ZNF804A: variants seen among roughly 807,000 people sequenced by gnomAD.
The protein encoded by ZNF804A is zinc finger protein 804A.
A neutral mutation model predicts 16.5 loss-of-function variants in ZNF804A; 2 were observed. The observed-to-expected ratio is 0.12, with a 90% CI of 0.05 to 0.38. The LOEUF (loss-of-function observed/expected upper bound fraction) is 0.38, where lower values mean the gene tolerates loss of function less well. Ranked by LOEUF, ZNF804A falls within the 10% of genes least tolerant of loss-of-function variation. The probability of loss-of-function intolerance (pLI) is 0.99; values close to 1 mark genes in which losing one functional copy is unlikely to be tolerated. For synonymous variants in ZNF804A, 534 were observed against 489.6 expected, an observed-to-expected ratio of 1.09 and a Z score of -1.20; for missense variants, 1,473 against 1,390.7, an observed-to-expected ratio of 1.06 and a Z score of -0.94.
chr2:184,808,566 C>T (rs1320654693), intron 1 of ZNF804A, among the ~76,000 whole-genome samples: 2 of 151,202 alleles, frequency 1.3e-5, no homozygotes, highest in African/African-American at 4.8e-5. Flanking sequence ...AGTTTTAAAG[C>T]ATATATCATT....
chr2:184,690,577 A>G (rs1300040128), intron 1 of ZNF804A, among the ~76,000 whole-genome samples: 2 of 152,054 alleles, frequency 1.3e-5, no homozygotes, highest in Non-Finnish European at 2.9e-5. Context: ...AGGTAACTTT[A>G]CAAAATATTA....
chr2:184,908,017 G>A (rs1295335872), intron 2 of ZNF804A, among the ~76,000 whole-genome samples: 1 of 152,024 alleles, frequency 6.6e-6, no homozygotes, highest in Non-Finnish European at 1.5e-5. Flanking sequence ...GTTGTGATAT[G>A]TTTTTGCTAG....
In ZNF804A at chr2:184,937,378, A is replaced by G; in HGVS notation, c.1982A>G (p.Lys661Arg). The G allele has an allele frequency of 6.2e-7, 1 of 1,613,698 alleles. No homozygotes were observed. Among genetic ancestry groups the G allele is most frequent in the South Asian group, 1.1e-5 (1 of 91,058 alleles). The change falls in exon 4 of 4, where the codon AAA becomes AGA. Residue 661 changes from lysine (K) to arginine (R), a missense_variant. By Grantham distance (26) the Lys-to-Arg change is conservative. Transcript: ENST00000302277. ...CATCAGTTACTTGATAAAAGGCCCA[A>G]ATCAGAATCCATATCCTTAAGTGAC... ...DSHQLLDKRP[K>R]SESISLSDNE...
chr2:184,679,594 C>G (rs547862120), intron 1 of ZNF804A, among the ~76,000 whole-genome samples: 25 of 152,296 alleles, frequency 1.6e-4, no homozygotes, highest in African/African-American at 5.1e-4. Context: ...GTCCTCTCCC[C>G]ACTCCTTAGG....
At chr2:184,849,348 A>C (rs1312565476) in intron 1 of ZNF804A, among the ~76,000 whole-genome samples, 1 of 152,192 alleles carries the variant, frequency 6.6e-6, no homozygotes, top group African/African-American at 2.4e-5. Flanking sequence ...GAAAGGTGAC[A>C]AAAGCAAACT....
intron 1 of ZNF804A, among the ~76,000 whole-genome samples, chr2:184,645,193 G>T (rs1386057129): frequency 6.6e-6 from 1 of 151,944 alleles, no homozygotes; most frequent in Non-Finnish European, 1.5e-5. Flanking sequence ...AGTTTCATTT[G>T]TATTATCTGT....
At chr2:184,694,189 T>G (rs1216486619) in intron 1 of ZNF804A, among the ~76,000 whole-genome samples, 1 of 151,346 alleles carries the variant, frequency 6.6e-6, no homozygotes, top group African/African-American at 2.4e-5. Flanking sequence ...CCTCAAATGA[T>G]CCACCTACCT....
At chr2:184,881,939 C>G (rs1425767311) in intron 2 of ZNF804A, among the ~76,000 whole-genome samples, 1 of 151,950 alleles carries the variant, frequency 6.6e-6, no homozygotes, top group Admixed American at 6.6e-5. Flanking sequence ...CTTCACATAT[C>G]AATACTACCC....
chr2:184,832,699 G>A lies in ZNF804A; in HGVS notation c.112-33670G>A, dbSNP rs543002602. 2.6e-5 allele frequency among the ~76,000 whole-genome samples: 4 copies of A among 151,558 alleles called. No individual in the cohort carries two copies. The South Asian group carries it at 6.3e-4, about 24-fold the overall frequency. On this transcript the variant is annotated intron_variant, in intron 1 of 3. Coordinates refer to ENST00000302277, the MANE Select transcript of ZNF804A (RefSeq NM_194250.2). ...TTCATCCCCCAAATAGACATCTATT[G>A]TAAATTGCTTGATAAATGCTCTTAC...
At chr2:184,785,955 A>G in intron 1 of ZNF804A, among the ~76,000 whole-genome samples, 1 of 152,034 alleles carries the variant, frequency 6.6e-6, no homozygotes, top group East Asian at 1.9e-4. Flanking sequence ...GGCAGAAATG[A>G]TCAATACTTG....
At chr2:184,837,059 T>C (rs950186679) in intron 1 of ZNF804A, among the ~76,000 whole-genome samples, 3 of 152,102 alleles carry the variant, frequency 2.0e-5, no homozygotes, top group African/African-American at 7.2e-5. Context: ...ATCAGTTCAG[T>C]AGTCATACTC....
Position 184,917,794 on chromosome 2 carries a change from TACAC to T in ZNF804A, c.256-15783_256-15780del, listed in dbSNP as rs148689593. ...ATGCAGATAAGGCATAACTAGCACA[TACAC>T]ACACACACACACACACACACACACA... is the stretch of plus-strand genomic sequence containing the variant. On this transcript the variant is annotated intron_variant, in intron 2 of 3. Transcript: ENST00000302277. Among the ~76,000 whole-genome samples, 1,364 of 142,978 alleles carry T rather than the reference TACAC, an allele frequency of 9.5e-3. 10 individuals carry two copies. The highest frequency in any genetic ancestry group is 0.059 in the Middle Eastern group (16 of 272). The allele number at this position is 142,978 out of a possible 152,430, so 93.8% of individuals were successfully genotyped here.
At chr2:184,658,836 G>A (rs949402187) in intron 1 of ZNF804A, among the ~76,000 whole-genome samples, 2 of 152,132 alleles carry the variant, frequency 1.3e-5, no homozygotes, top group African/African-American at 4.8e-5. Context: ...ATGTTTTCAG[G>A]CAAAACAAAC....
At chr2:184,888,798 A>G (rs1367392432) in intron 2 of ZNF804A, among the ~76,000 whole-genome samples, 2 of 152,126 alleles carry the variant, frequency 1.3e-5, no homozygotes, top group African/African-American at 4.8e-5. Context: ...ATGAGAGGGG[A>G]AGAGAATACC....
intron 1 of ZNF804A, among the ~76,000 whole-genome samples, chr2:184,602,911 G>A (rs1193696500): frequency 2.6e-5 from 4 of 151,980 alleles, no homozygotes; most frequent in Non-Finnish European, 5.9e-5. Flanking sequence ...ATTAAGAGAT[G>A]GTATTGTGTT....
chr2:184,687,530 C>A (rs968950493), intron 1 of ZNF804A, among the ~76,000 whole-genome samples: 2 of 152,048 alleles, frequency 1.3e-5, no homozygotes, highest in Admixed American at 6.5e-5. Flanking sequence ...ATTTAAAAGA[C>A]ATAACACAAG....
At chr2:184,647,796 C>T (rs187107752) in intron 1 of ZNF804A, among the ~76,000 whole-genome samples, 307 of 152,214 alleles carry the variant, frequency 2.0e-3, no homozygotes, top group Non-Finnish European at 3.4e-3. Context: ...AAAAGGTAAA[C>T]CACCTGGAAT....
intron 1 of ZNF804A, among the ~76,000 whole-genome samples, chr2:184,821,485 A>T (rs1368009606): frequency 6.6e-6 from 1 of 152,168 alleles, no homozygotes; most frequent in Non-Finnish European, 1.5e-5. Context: ...ACGCAATGCC[A>T]TTCAGGATGT....
At chr2:184,637,061 G>A (rs1181522786) in intron 1 of ZNF804A, among the ~76,000 whole-genome samples, 3 of 152,102 alleles carry the variant, frequency 2.0e-5, no homozygotes, top group East Asian at 3.9e-4. Flanking sequence ...GGTTTCAATA[G>A]TTTCTGAAAT....
Sources: gnomAD v4.1 joint callset for allele counts (sites outside exome capture counted in the v4.1 genomes callset) on GRCh38, gnomAD v4.1.1 for gene constraint, MANE v1.5 for transcripts, NCBI Gene and HGNC (gene_info 2026-07-23, HGNC 2026-07-21) for gene names.